VAV2: variants seen among roughly 807,000 people sequenced by gnomAD.
VAV2 encodes vav guanine nucleotide exchange factor 2.
A neutral mutation model predicts 132.5 loss-of-function variants in VAV2; 67 were observed. That is an observed-to-expected ratio of 0.51 (90% CI 0.42 to 0.62). The LOEUF is 0.62. Ranked by LOEUF, VAV2 falls within the 20% of genes least tolerant of loss-of-function variation. VAV2 has a pLI of 0.00. For synonymous variants in VAV2, 492 were observed against 443.5 expected (o/e 1.11, Z -1.37); for missense variants, 938 against 1,153.6 (o/e 0.81, Z 2.71).
chr9:133,984,515 T>C (rs1842791863), intron 1 of VAV2, among the ~76,000 whole-genome samples: 1 of 151,958 alleles, frequency 6.6e-6, no homozygotes, highest in Non-Finnish European at 1.5e-5. Flanking sequence ...TGGGAGGCTG[T>C]AGTGAAAGGA....
chr9:133,957,468 T>G (rs562068830), intron 1 of VAV2, among the ~76,000 whole-genome samples: 170 of 152,276 alleles, frequency 1.1e-3, no homozygotes, highest in African/African-American at 4.0e-3. Context: ...CTACTGGGAA[T>G]AATATGGCAT....
At chr9:133,816,098 T>C (rs1488848124) in intron 4 of VAV2, among the ~76,000 whole-genome samples, 1 of 152,230 alleles carries the variant, frequency 6.6e-6, no homozygotes, top group African/African-American at 2.4e-5. Flanking sequence ...CTAACGCTGC[T>C]GAGGGGTCTC....
chr9:133,944,952 G>A (rs1281763050), intron 1 of VAV2, among the ~76,000 whole-genome samples: 2 of 152,228 alleles, frequency 1.3e-5, no homozygotes, highest in African/African-American at 2.4e-5. Context: ...GACTGGCTAC[G>A]CGTCTCGGTG....
intron 29 of VAV2, among the ~76,000 whole-genome samples, chr9:133,766,478 A>G (rs1833435100): frequency 1.3e-5 from 2 of 152,140 alleles, no homozygotes; most frequent in Admixed American, 1.3e-4. Flanking sequence ...TTGTAGGGAC[A>G]TGGATGAAGC....
chr9:133,882,361 C>T (rs563522251), intron 2 of VAV2, among the ~76,000 whole-genome samples: 226 of 152,360 alleles, frequency 1.5e-3, no homozygotes, highest in African/African-American at 5.3e-3. Flanking sequence ...GCCGTCACAG[C>T]CAGCCGACAT....
rs890992602 is a variant in VAV2 at position 133,777,557 on chromosome 9, G to A, written c.1891-94C>T. The A allele has an allele frequency of 3.4e-5, 42 of 1,220,844 alleles. No individual in the cohort carries two copies. The African/African-American group carries it at 3.6e-4, about 10-fold the overall frequency. The allele number at this position is 1,220,844 out of a possible 1,614,324, so 75.6% of individuals were successfully genotyped here. On this transcript the variant is annotated intron_variant, in intron 22 of 29. Transcript: ENST00000371850. Reference sequence around the variant, plus strand: ...GACGGACTCAGCGTATGCCAATCCCGCTCCTGGAGGGTGGGAGAGCCAATG... The same window carrying A: ...GACGGACTCAGCGTATGCCAATCCCACTCCTGGAGGGTGGGAGAGCCAATG...
chr9:133,896,378 C>T (rs945586120), intron 2 of VAV2, among the ~76,000 whole-genome samples: 4 of 152,004 alleles, frequency 2.6e-5, no homozygotes, highest in African/African-American at 9.7e-5. Context: ...CTCTTGAACC[C>T]GGGAGGCAGA....
At chr9:133,934,056 ATGAT>A (rs372328694) in intron 2 of VAV2, among the ~76,000 whole-genome samples, 2,893 of 147,426 alleles carry the variant, frequency 0.02, 94 homozygotes, top group African/African-American at 0.068. Flanking sequence ...GGACAGATGA[ATGAT>A]TGATGGATAG....
chr9:133,900,724 C>A (rs1224757342), intron 2 of VAV2, among the ~76,000 whole-genome samples: 3 of 152,010 alleles, frequency 2.0e-5, no homozygotes, highest in African/African-American at 4.8e-5. Context: ...AATGTTCAAT[C>A]GCCTTGCCTT....
intron 23 of VAV2, among the ~76,000 whole-genome samples, chr9:133,776,551 C>T (rs969382913): frequency 2.0e-5 from 3 of 152,084 alleles, no homozygotes; most frequent in African/African-American, 7.2e-5. Flanking sequence ...ACAGGCTGGG[C>T]ACAGCCTCAG....
chr9:133,929,331 G>C (rs182241195), intron 2 of VAV2, among the ~76,000 whole-genome samples: 1 of 152,130 alleles, frequency 6.6e-6, no homozygotes, highest in Non-Finnish European at 1.5e-5. Flanking sequence ...GGCAACAACC[G>C]GGGAGCAGAT....
chr9:133,854,519 T>C (rs1837314946), intron 3 of VAV2, among the ~76,000 whole-genome samples: 1 of 152,238 alleles, frequency 6.6e-6, no homozygotes, highest in Non-Finnish European at 1.5e-5. Context: ...TGCCCTTGGC[T>C]TGTGCTACTG....
At chr9:133,889,106 T>A (rs1838828547) in intron 2 of VAV2, among the ~76,000 whole-genome samples, 1 of 152,124 alleles carries the variant, frequency 6.6e-6, no homozygotes, top group Admixed American at 6.5e-5. Flanking sequence ...GAAAGGGGTC[T>A]CAGTGCTGCC....
In VAV2 at chr9:133,879,104, G is replaced by A. The variant is rs571366488; in HGVS notation, c.322-17672C>T. On this transcript the variant is annotated intron_variant, in intron 2 of 29. Coordinates refer to ENST00000371850, the MANE Select transcript of VAV2 (RefSeq NM_001134398.2). The surrounding 1 kb of genome is among the most constrained non-coding windows in gnomAD (Gnocchi z 4.4). The stretch of plus-strand genomic sequence containing the variant: ...ATAGTCTTCCAGAGGGGACCGGGCC[G>A]GGCTTGTGCTGCTGAACCTGGCTCT... Among the ~76,000 whole-genome samples the A allele has an allele frequency of 3.9e-5, 6 of 152,304 alleles. No homozygotes were observed. Among genetic ancestry groups the A allele is most frequent in the Admixed American group, 2.0e-4 (3 of 15,302 alleles).
At chr9:133,929,550 A>G (rs1476574691) in intron 2 of VAV2, among the ~76,000 whole-genome samples, 4 of 152,118 alleles carry the variant, frequency 2.6e-5, no homozygotes, top group Non-Finnish European at 4.4e-5. Context: ...CAAGGGTCCC[A>G]GGCAGAAGAG....
At chr9:133,830,021 C>T (rs987178372) in intron 4 of VAV2, among the ~76,000 whole-genome samples, 2 of 152,076 alleles carry the variant, frequency 1.3e-5, no homozygotes, top group Admixed American at 6.6e-5. Context: ...ATGGAATGAA[C>T]GATGATCGTG....
intron 1 of VAV2, among the ~76,000 whole-genome samples, chr9:133,981,346 G>A (rs553414952): frequency 4.6e-5 from 7 of 152,206 alleles, no homozygotes; most frequent in Non-Finnish European, 7.4e-5. Context: ...GCCCAGCAGC[G>A]CGCCCAGGGC....
intron 2 of VAV2, among the ~76,000 whole-genome samples, chr9:133,882,364 G>A (rs60328421): frequency 0.013 from 1,912 of 152,352 alleles, 45 homozygotes; most frequent in African/African-American, 0.043. Flanking sequence ...GTCACAGCCA[G>A]CCGACATCTG....
chr9:133,820,165 C>T (rs1430322801), intron 4 of VAV2, among the ~76,000 whole-genome samples: 12 of 152,250 alleles, frequency 7.9e-5, no homozygotes, highest in East Asian at 1.9e-4. Context: ...CTCCCAGGTA[C>T]GGAACAGATC....
Sources: allele counts gnomAD v4.1 joint callset (sites outside exome capture counted in the v4.1 genomes callset), GRCh38; gene constraint gnomAD v4.1.1; non-coding constraint Gnocchi (gnomAD v3.1); transcripts MANE v1.5; gene names NCBI Gene and HGNC (gene_info 2026-07-23, HGNC 2026-07-21).